The following CD2AP variants were observed in gnomAD, a reference collection of about 807,000 sequenced individuals.
CD2AP encodes the protein CD2 associated protein.
In CD2AP, 46 loss-of-function variants were observed where a neutral mutation model predicts 85.1. That is an observed-to-expected ratio of 0.54 (90% CI 0.43 to 0.69). The LOEUF (loss-of-function observed/expected upper bound fraction) is 0.69. Among genes scored for constraint, CD2AP ranks in the 30% least tolerant of loss-of-function variants. CD2AP has a pLI of 0.00. For missense variants in CD2AP, 769 were observed against 729.5 expected, an observed-to-expected ratio of 1.05 and a Z score of -0.62; for synonymous variants, 255 against 252.9, an observed-to-expected ratio of 1.01 and a Z score of -0.08.
intron 5 of CD2AP, among the ~76,000 whole-genome samples, chr6:47,571,654 G>C (rs1402255370): frequency 6.6e-6 from 1 of 152,284 alleles, no homozygotes; most frequent in South Asian, 2.1e-4. Flanking sequence ...AATGCATACA[G>C]TGAAACCCCA....
chr6:47,526,769 A>G (rs1442075264), intron 2 of CD2AP, among the ~76,000 whole-genome samples: 8 of 152,220 alleles, frequency 5.3e-5, no homozygotes, highest in African/African-American at 1.7e-4. Context: ...CTCCTGTACT[A>G]GAAGCAACAG....
chr6:47,479,608 ATTCTT>A (rs945296392), intron 1 of CD2AP, among the ~76,000 whole-genome samples: 6 of 152,226 alleles, frequency 3.9e-5, no homozygotes, highest in Non-Finnish European at 8.8e-5. Flanking sequence ...TTGTGGGCAT[ATTCTT>A]TTAAGTATGA....
chr6:47,610,949 T>TTATATGTATATA lies in CD2AP; in HGVS notation c.1815-1519_1815-1518insGTATATATATAT, dbSNP rs1440078108. On this transcript the variant is annotated intron_variant, in intron 16 of 17. Coordinates refer to ENST00000359314, the MANE Select transcript of CD2AP (RefSeq NM_012120.3). ...CTAGAACGGATAAAATATTTCTGAT[T>TTATATGTATATA]TATATATATATATATATATGTATTT... is the stretch of plus-strand genomic sequence containing the variant. 2.6e-3 allele frequency among the ~76,000 whole-genome samples: 292 copies of TTATATGTATATA among 114,162 alleles called. 1 individual carries two copies. Among genetic ancestry groups the TTATATGTATATA allele is most frequent in the African/African-American group, 0.01 (278 of 27,302 alleles). 74.9% of individuals were successfully genotyped at this position (114,162 alleles called of 152,430 possible). A position where few individuals can be genotyped will look rare whatever the true frequency, so the allele number is the denominator to read the frequency against.
At chr6:47,543,148 C>CAAAAA (rs11338409) in intron 3 of CD2AP, among the ~76,000 whole-genome samples, 647 of 59,926 alleles carry the variant, frequency 0.011, 2 homozygotes, top group Middle Eastern at 0.019. Context: ...AAGACTGTCT[C>CAAAAA]AAAAAAAAAA....
At chr6:47,549,325 T>C (rs1285950710) in intron 4 of CD2AP, among the ~76,000 whole-genome samples, 1 of 151,994 alleles carries the variant, frequency 6.6e-6, no homozygotes, top group Non-Finnish European at 1.5e-5. Context: ...TTCAGAAAGC[T>C]CCTAGAACTG....
At chr6:47,499,820 C>G (rs1272155306) in intron 1 of CD2AP, among the ~76,000 whole-genome samples, 1 of 152,144 alleles carries the variant, frequency 6.6e-6, no homozygotes, top group Non-Finnish European at 1.5e-5. Context: ...CTTTCGCCTC[C>G]CGGGTTCAAG....
intron 4 of CD2AP, chr6:47,545,092 T>C (rs532369356): frequency 1.1e-5 from 2 of 182,782 alleles, no homozygotes; most frequent in East Asian, 3.1e-4. Context: ...TTAATAAAAA[T>C]ACTTTCCTAT....
rs551900952 is a variant in CD2AP at position 47,522,951 on chromosome 6, GA to G, written c.166-10644del. Reference sequence around the variant, plus strand: ...TACTTTGGAAAGTCTCATTGATTTAGAAAAAAATTCTTTTTTTAGAAGGATG... The same window carrying G: ...TACTTTGGAAAGTCTCATTGATTTAGAAAAAATTCTTTTTTTAGAAGGATG... On this transcript the variant is annotated intron_variant, in intron 2 of 17. Coordinates refer to ENST00000359314, the MANE Select transcript of CD2AP (RefSeq NM_012120.3). Among the ~76,000 whole-genome samples the G allele has an allele frequency of 2.0e-4, 31 of 151,960 alleles. No individual in the cohort carries two copies. The South Asian group carries it at 5.8e-3, about 29-fold the overall frequency.
At chr6:47,569,116 A>G (rs1185928458) in intron 5 of CD2AP, among the ~76,000 whole-genome samples, 1 of 152,174 alleles carries the variant, frequency 6.6e-6, no homozygotes, top group Non-Finnish European at 1.5e-5. Flanking sequence ...GAGAGTAAGT[A>G]TAAGGCAGTT....
intron 1 of CD2AP, among the ~76,000 whole-genome samples, chr6:47,500,749 G>GT (rs35365087): frequency 0.23 from 32,600 of 140,268 alleles, 3,810 homozygotes; most frequent in Non-Finnish European, 0.27. Flanking sequence ...TCCTTCCTTG[G>GT]TTTTTTTTTT....
At chr6:47,544,514 T>C in intron 3 of CD2AP, 92 bp from the exon 4 acceptor site, 1 of 828,094 alleles carries the variant, frequency 1.2e-6, no homozygotes, top group Non-Finnish European at 2.1e-6. Flanking sequence ...TATTTATTTA[T>C]ATAAGTCCTG....
chr6:47,608,573 CA>C (rs748727749), intron 15 of CD2AP, among the ~76,000 whole-genome samples: 6 of 152,128 alleles, frequency 3.9e-5, no homozygotes, highest in Non-Finnish European at 8.8e-5. Context: ...GCATTTTTGT[CA>C]GCGTTTCCAA....
At chr6:47,540,462 G>A (rs1248283046) in intron 3 of CD2AP, among the ~76,000 whole-genome samples, 6 of 151,980 alleles carry the variant, frequency 3.9e-5, no homozygotes, top group African/African-American at 1.2e-4. Context: ...AAATAATGTG[G>A]AATTATTTTT....
chr6:47,609,765 T>C (rs936147101), intron 16 of CD2AP, among the ~76,000 whole-genome samples: 3 of 152,128 alleles, frequency 2.0e-5, no homozygotes, highest in Non-Finnish European at 4.4e-5. Flanking sequence ...TCCTTTTCTC[T>C]TTTTGGCAAA....
intron 4 of CD2AP, among the ~76,000 whole-genome samples, chr6:47,546,130 A>G (rs1039897498): frequency 2.0e-5 from 3 of 152,198 alleles, no homozygotes; most frequent in African/African-American, 4.8e-5. Context: ...GAAGGGAGAA[A>G]TATTCAATGA....
rs1769878977 is a variant in CD2AP at position 47,625,174 on chromosome 6, TCCTTC to T, written c.*948_*952del. ...CTTGTCACTTAGTTCTTCATGTTTCTCCTTCTGACTTTTAATAATGGTAATAGGAA... is the reference window on the plus strand; with the variant it reads ...CTTGTCACTTAGTTCTTCATGTTTCTTGACTTTTAATAATGGTAATAGGAA... On this transcript the variant is annotated 3_prime_UTR_variant, in exon 18 of 18. Transcript: ENST00000359314. The T allele has an allele frequency of 1.3e-5, 2 of 151,878 alleles. No individual in the cohort carries two copies. Among genetic ancestry groups the T allele is most frequent in the African/African-American group, 4.8e-5 (2 of 41,436 alleles). 9.4% of individuals were successfully genotyped at this position (151,878 alleles called of 1,614,324 possible).
In CD2AP at chr6:47,525,237, A is replaced by G. The variant is rs116793840; in HGVS notation, c.166-8365A>G. On this transcript the variant is annotated intron_variant, in intron 2 of 17. Coordinates refer to ENST00000359314, the MANE Select transcript of CD2AP (RefSeq NM_012120.3). Reference sequence around the variant, plus strand: ...TAAACATTTAATTCTTATTTTCCTTATTCTTTAGTAATACCACTTTTTCAT... The same window carrying G: ...TAAACATTTAATTCTTATTTTCCTTGTTCTTTAGTAATACCACTTTTTCAT... 7.9e-3 allele frequency among the ~76,000 whole-genome samples: 1,200 copies of G among 152,144 alleles called. 13 individuals are homozygous for G. Among genetic ancestry groups the G allele is most frequent in the African/African-American group, 0.027 (1,121 of 41,540 alleles).
At chr6:47,497,556 G>C (rs1173337053) in intron 1 of CD2AP, among the ~76,000 whole-genome samples, 6 of 151,930 alleles carry the variant, frequency 3.9e-5, no homozygotes, top group African/African-American at 1.5e-4. Context: ...GACTGTAGGT[G>C]CGTTATCATT....
At chr6:47,570,470 T>G (rs897504400) in intron 5 of CD2AP, among the ~76,000 whole-genome samples, 2 of 152,178 alleles carry the variant, frequency 1.3e-5, no homozygotes, top group Admixed American at 6.5e-5. Flanking sequence ...GTTACTGTTT[T>G]GTCTCATTAT....
Sources: gnomAD v4.1 joint callset for allele counts (sites outside exome capture counted in the v4.1 genomes callset) on GRCh38, gnomAD v4.1.1 for gene constraint, MANE v1.5 for transcripts, NCBI Gene and HGNC (gene_info 2026-07-23, HGNC 2026-07-21) for gene names.